Variants in ATP8A2 observed in about 807,000 individuals in gnomAD.
ATP8A2 encodes the protein phospholipid-transporting ATPase IB.
In ATP8A2, 100 loss-of-function variants were observed where a neutral mutation model predicts 165.6. That is an observed-to-expected ratio of 0.60 (90% CI 0.51 to 0.71). The LOEUF (loss-of-function observed/expected upper bound fraction) is 0.71, where lower values mean the gene tolerates loss of function less well. Ranked by LOEUF, ATP8A2 falls within the 30% of genes least tolerant of loss-of-function variation. The probability of loss-of-function intolerance (pLI) is 0.00; values close to 1 mark genes in which losing one functional copy is unlikely to be tolerated. For missense variants in ATP8A2, 1,227 were observed against 1,479.5 expected (o/e 0.83, Z 2.80); for synonymous variants, 543 against 548.8 (o/e 0.99, Z 0.15).
intron 27 of ATP8A2, among the ~76,000 whole-genome samples, chr13:25,822,256 G>A (rs897912023): frequency 6.6e-6 from 1 of 152,124 alleles, no homozygotes; most frequent in Non-Finnish European, 1.5e-5. Context: ...ATATAAGGGT[G>A]TGGCATTGTT....
chr13:25,860,443 C>T (rs1952313674), intron 31 of ATP8A2, among the ~76,000 whole-genome samples, 187 bp downstream of exon 31: 1 of 152,100 alleles, frequency 6.6e-6, no homozygotes, highest in Admixed American at 6.6e-5. Flanking sequence ...GAAGGTTATG[C>T]CAAGTGAAGG....
chr13:25,522,042 T>C (rs183024837), intron 2 of ATP8A2, among the ~76,000 whole-genome samples: 1 of 150,870 alleles, frequency 6.6e-6, no homozygotes, highest in Non-Finnish European at 1.5e-5. Flanking sequence ...TTATATTGAA[T>C]CTGTCATTTG....
At chr13:25,963,623 ATTAGT>A (rs959959971) in intron 34 of ATP8A2, among the ~76,000 whole-genome samples, 4 of 152,180 alleles carry the variant, frequency 2.6e-5, no homozygotes, top group Non-Finnish European at 4.4e-5. Context: ...ATGATTATAA[ATTAGT>A]TTATTTTAAT....
chr13:25,576,919 A>G lies in ATP8A2; in HGVS notation c.1713-150A>G, dbSNP rs1285811547. ...TAAAAAGAGTAGGAGATACACAGTT[A>G]GGTCCTACTTTGAAGAAAAAGGCAG... On this transcript the variant is annotated intron_variant, in intron 19 of 36. Coordinates refer to ENST00000381655, the MANE Select transcript of ATP8A2 (RefSeq NM_016529.6). 6.1e-6 allele frequency: 4 copies of G among 656,558 alleles called. No homozygotes were observed. The Admixed American group carries it at 7.0e-5, about 11-fold the overall frequency. The allele number at this position is 656,558 out of a possible 1,614,324, so 40.7% of individuals were successfully genotyped here. A position where few individuals can be genotyped will look rare whatever the true frequency, so the allele number is the denominator to read the frequency against.
In ATP8A2 at chr13:25,538,051, C is replaced by T. The variant is rs537177867; in HGVS notation, c.571C>T (p.Leu191=). 1 of 1,613,726 alleles carries T rather than the reference C, an allele frequency of 6.2e-7. No homozygotes were observed. The highest frequency in any genetic ancestry group is 8.5e-7 in the Non-Finnish European group (1 of 1,179,686). ...GTATCTTCCAGCAGATGTGGTCCTG[C>T]TGTCATCCAGGTTAGCTGTGCTAGT... ...GQYLPADVVL[L]SSSEPQAMCY... is the part of the protein sequence containing the mutation. The change falls in exon 7 of 37, where the codon CTG becomes TTG. Residue 191 remains leucine, a synonymous_variant. Transcript: ENST00000381655.
chr13:25,795,937 T>C (rs1950490159), intron 27 of ATP8A2, among the ~76,000 whole-genome samples: 2 of 152,080 alleles, frequency 1.3e-5, no homozygotes, highest in African/African-American at 4.8e-5. Context: ...CAGGACAGCA[T>C]TTCACTAACA....
At chr13:25,828,062 T>A (rs1042230673) in intron 27 of ATP8A2, 56 bp from the exon 28 acceptor site, 7 of 1,410,150 alleles carry the variant, frequency 5.0e-6, no homozygotes, top group Non-Finnish European at 7.0e-6. Context: ...CTTCAGTGAA[T>A]GGAAACATTT....
At chr13:25,748,813 A>G (rs2044093157) in intron 25 of ATP8A2, among the ~76,000 whole-genome samples, 2 of 152,204 alleles carry the variant, frequency 1.3e-5, no homozygotes, top group Admixed American at 1.3e-4. Context: ...TGTTTGTATT[A>G]GCAGTTATTC....
intron 33 of ATP8A2, among the ~76,000 whole-genome samples, chr13:25,895,132 T>C (rs1234286576): frequency 2.0e-5 from 3 of 152,216 alleles, no homozygotes; most frequent in Non-Finnish European, 2.9e-5. Context: ...AAAGAATGCT[T>C]CCAGTTTTTG....
chr13:25,609,592 A>AATATATATATATATTTGGGTTCAAAT (rs1210838785), intron 24 of ATP8A2, among the ~76,000 whole-genome samples: 1 of 145,444 alleles, frequency 6.9e-6, no homozygotes, highest in African/African-American at 2.5e-5. Context: ...TTTGGGTTCA[A>AATATATATATATATTTGGGTTCAAAT]ATATATATAT....
chr13:25,578,491 G>A (rs755276204), intron 20 of ATP8A2, among the ~76,000 whole-genome samples: 1 of 152,174 alleles, frequency 6.6e-6, no homozygotes, highest in Non-Finnish European at 1.5e-5. Flanking sequence ...CTGCGCAAAC[G>A]CCTGATAAAC....
chr13:25,812,683 A>T (rs1465021088), intron 27 of ATP8A2, among the ~76,000 whole-genome samples: 1 of 151,788 alleles, frequency 6.6e-6, no homozygotes, highest in African/African-American at 2.4e-5. Context: ...GATCAATAAA[A>T]TAAACAAAAC....
chr13:25,750,293 C>T lies in ATP8A2; in HGVS notation c.2385-18753C>T, dbSNP rs747624205. The stretch of plus-strand genomic sequence containing the variant: ...AGTAGTCGCTAGAGTTTTCAGGAGA[C>T]CAAATAAAATAGTACACATCTGTGT... On this transcript the variant is annotated intron_variant, in intron 25 of 36. Coordinates refer to ENST00000381655, the MANE Select transcript of ATP8A2 (RefSeq NM_016529.6). The surrounding 1 kb of genome is among the most constrained non-coding windows in gnomAD (Gnocchi z 4.3). 2.6e-5 allele frequency among the ~76,000 whole-genome samples: 4 copies of T among 152,110 alleles called. No individual in the cohort carries two copies. Among genetic ancestry groups the T allele is most frequent in the Non-Finnish European group, 5.9e-5 (4 of 68,032 alleles).
intron 1 of ATP8A2, among the ~76,000 whole-genome samples, chr13:25,399,023 T>G (rs1338689472): frequency 3.3e-5 from 5 of 152,206 alleles, no homozygotes; most frequent in Admixed American, 1.3e-4. Context: ...TTGTGGCAGT[T>G]TACAACAGTG....
chr13:25,559,855 C>G (rs2138107828), intron 15 of ATP8A2, 90 bp downstream of exon 15: 1 of 1,017,576 alleles, frequency 9.8e-7, no homozygotes, highest in East Asian at 2.6e-5. Flanking sequence ...TTAGAGACAG[C>G]CTCACTCTAT....
chr13:25,441,761 T>C (rs2034936947), intron 1 of ATP8A2, among the ~76,000 whole-genome samples: 1 of 152,218 alleles, frequency 6.6e-6, no homozygotes, highest in South Asian at 2.1e-4. Flanking sequence ...ACACATAACA[T>C]AGAATTTACT....
chr13:25,602,704 A>G (rs974929280), intron 24 of ATP8A2, among the ~76,000 whole-genome samples: 2 of 151,998 alleles, frequency 1.3e-5, no homozygotes, highest in Admixed American at 1.3e-4. Flanking sequence ...AGTGTAGAGC[A>G]TTGTTAGGAG....
chr13:25,388,642 G>A (rs1013420476), intron 1 of ATP8A2, among the ~76,000 whole-genome samples: 20 of 152,202 alleles, frequency 1.3e-4, no homozygotes, highest in Non-Finnish European at 4.4e-5. Context: ...GTCAGGGGTG[G>A]ATCTTTAACT....
At chr13:25,672,098 G>C (rs898738223) in intron 24 of ATP8A2, among the ~76,000 whole-genome samples, 1 of 152,210 alleles carries the variant, frequency 6.6e-6, no homozygotes, top group Non-Finnish European at 1.5e-5. Flanking sequence ...ATTTTGCTCA[G>C]TGGGGGACAC....
Sources: allele counts gnomAD v4.1 joint callset (sites outside exome capture counted in the v4.1 genomes callset), GRCh38; gene constraint gnomAD v4.1.1; non-coding constraint Gnocchi (gnomAD v3.1); transcripts MANE v1.5; gene names NCBI Gene and HGNC (gene_info 2026-07-23, HGNC 2026-07-21).